The following CD2AP variants were observed in gnomAD, a reference collection of about 807,000 sequenced individuals.
CD2AP encodes the protein CD2 associated protein.
In CD2AP, 46 loss-of-function variants were observed where a neutral mutation model predicts 85.1. That is an observed-to-expected ratio of 0.54 (90% CI 0.43 to 0.69). The LOEUF (loss-of-function observed/expected upper bound fraction) is 0.69, where lower values mean the gene tolerates loss of function less well. CD2AP is among the 30% of genes least tolerant of loss of function. The probability of loss-of-function intolerance (pLI) is 0.00; values close to 1 mark genes in which losing one functional copy is unlikely to be tolerated. For synonymous variants in CD2AP, 255 were observed against 252.9 expected, an observed-to-expected ratio of 1.01 and a Z score of -0.08; for missense variants, 769 against 729.5, an observed-to-expected ratio of 1.05 and a Z score of -0.62.
intron 9 of CD2AP, 21 bp from the exon 10 acceptor site, chr6:47,580,843 C>A (rs1582585899): frequency 6.3e-7 from 1 of 1,588,718 alleles, no homozygotes. Flanking sequence ...TCAGCCGTTT[C>A]CACCATTATT....
At chr6:47,556,338 A>G (rs1767687681) in intron 5 of CD2AP, among the ~76,000 whole-genome samples, 1 of 150,796 alleles carries the variant, frequency 6.6e-6, no homozygotes, top group African/African-American at 2.4e-5. Context: ...TGTTCATGAG[A>G]ATGATGGTTT....
intron 2 of CD2AP, among the ~76,000 whole-genome samples, chr6:47,504,702 C>A (rs1008694743): frequency 2.6e-5 from 4 of 152,082 alleles, no homozygotes; most frequent in Admixed American, 6.6e-5. Context: ...ACTGCAGGTT[C>A]AGTTCCAGAC....
chr6:47,574,334 C>G (rs1209406019), intron 6 of CD2AP, 83 bp downstream of exon 6: 2 of 1,294,746 alleles, frequency 1.5e-6, no homozygotes, highest in African/African-American at 2.9e-5. Flanking sequence ...GTTTGTAACT[C>G]TGTTAGATTT....
Position 47,571,129 on chromosome 6 carries a change from A to C in CD2AP, c.542-2935A>C, listed in dbSNP as rs992396070. On this transcript the variant is annotated intron_variant, in intron 5 of 17. Coordinates refer to ENST00000359314, the MANE Select transcript of CD2AP (RefSeq NM_012120.3). ...TATCAATATATGATTTATTAATACC[A>C]TGGATAGTTTCATTTTAAAAATGCC... Among the ~76,000 whole-genome samples, 8 of 152,236 alleles carry C rather than the reference A, an allele frequency of 5.3e-5. No homozygotes were observed. In the South Asian group the frequency reaches 1.7e-3, roughly 32 times the overall value.
intron 13 of CD2AP, among the ~76,000 whole-genome samples, chr6:47,604,857 A>C (rs748833793): frequency 1.6e-4 from 25 of 152,022 alleles, no homozygotes; most frequent in Non-Finnish European, 3.4e-4. Context: ...TGTTTTAATG[A>C]ATCAGCTTAG....
intron 5 of CD2AP, among the ~76,000 whole-genome samples, chr6:47,569,022 G>C (rs938658889): frequency 1.3e-5 from 2 of 152,158 alleles, no homozygotes; most frequent in Admixed American, 1.3e-4. Context: ...AAGTAAAAGA[G>C]ATCATTAAGG....
rs1766948985 is a variant in CD2AP at position 47,533,629 on chromosome 6, G to C, written c.193G>C (p.Asp65His). ...KEIKRETEFK[D>H]DSLPIKRERH... ...AATTAAAAGAGAGACGGAATTCAAG[G>C]ATGACAGTTTGCCCATCAAACGGGA... Residue 65 changes from aspartate to histidine, a missense_variant, in exon 3 of 18, where the codon GAT becomes CAT. Asp to His is a moderately conservative substitution (Grantham distance 81). Transcript: ENST00000359314. 1.9e-6 allele frequency: 3 copies of C among 1,613,780 alleles called. No individual in the cohort carries two copies. Among genetic ancestry groups the C allele is most frequent in the South Asian group, 1.1e-5 (1 of 91,044 alleles).
At chr6:47,616,396 A>T (rs1199293067) in intron 17 of CD2AP, among the ~76,000 whole-genome samples, 2 of 152,014 alleles carry the variant, frequency 1.3e-5, no homozygotes, top group Admixed American at 6.6e-5. Flanking sequence ...ACCTGGCCTT[A>T]AAGATGTTTT....
intron 1 of CD2AP, among the ~76,000 whole-genome samples, chr6:47,492,572 C>G (rs1369087274): frequency 1.3e-5 from 2 of 152,060 alleles, no homozygotes; most frequent in African/African-American, 4.8e-5. Context: ...CCTTGAACTC[C>G]TGGCCTCAGG....
intron 2 of CD2AP, among the ~76,000 whole-genome samples, chr6:47,520,916 C>G (rs1766572058): frequency 6.6e-6 from 1 of 151,844 alleles, no homozygotes; most frequent in South Asian, 2.1e-4. Flanking sequence ...ATGTTGCAGA[C>G]TTCTCCAGTA....
intron 11 of CD2AP, among the ~76,000 whole-genome samples, chr6:47,588,466 G>C (rs368341085): frequency 2.0e-5 from 3 of 152,018 alleles, no homozygotes; most frequent in African/African-American, 7.2e-5. Flanking sequence ...AGATTATGAC[G>C]TGTTTACATT....
chr6:47,507,086 A>T (rs1766192539), intron 2 of CD2AP, among the ~76,000 whole-genome samples: 1 of 152,238 alleles, frequency 6.6e-6, no homozygotes, highest in Non-Finnish European at 1.5e-5. Flanking sequence ...TGTCTTCACC[A>T]GGAGTAGATT....
At chr6:47,611,839 T>A (rs954178396) in intron 16 of CD2AP, among the ~76,000 whole-genome samples, 5 of 151,984 alleles carry the variant, frequency 3.3e-5, no homozygotes, top group Admixed American at 6.6e-5. Flanking sequence ...ATTATAAATA[T>A]GAAAATTTTA....
In CD2AP at chr6:47,625,668, C is replaced by A. The variant is rs1769889911; in HGVS notation, c.*1441C>A. On this transcript the variant is annotated 3_prime_UTR_variant, in exon 18 of 18. Coordinates refer to ENST00000359314, the MANE Select transcript of CD2AP (RefSeq NM_012120.3). ...GCTTCCATTTTTTTTAGTTTTAAAC[C>A]ACCAAACCAATATTTTTCCTTTAAA... 1 of 151,494 alleles carries A rather than the reference C, an allele frequency of 6.6e-6. No homozygotes were observed. The highest frequency in any genetic ancestry group is 2.1e-4 in the South Asian group (1 of 4,808). 9.4% of individuals were successfully genotyped at this position (151,494 alleles called of 1,614,324 possible).
chr6:47,499,972 A>C (rs1356819415), intron 1 of CD2AP, among the ~76,000 whole-genome samples: 1 of 152,018 alleles, frequency 6.6e-6, no homozygotes, highest in Non-Finnish European at 1.5e-5. Context: ...CAGGTGATCC[A>C]CCCACCTCAG....
chr6:47,525,728 A>T (rs113725008), intron 2 of CD2AP, among the ~76,000 whole-genome samples: 111 of 152,268 alleles, frequency 7.3e-4, no homozygotes, highest in African/African-American at 2.6e-3. Context: ...CACCATTTGC[A>T]TATGTATTTC....
At position 47,607,842 on chromosome 6, in the gene CD2AP, A is replaced by C. The variant is rs557945911; in HGVS notation, c.1531-85A>C. ...ACAGTAGCAGCTGAAAATCCATAAA[A>C]GTTATTTGCTTTATTATCCAAAGAC... On this transcript the variant is annotated intron_variant, in intron 14 of 17. Coordinates refer to ENST00000359314, the MANE Select transcript of CD2AP (RefSeq NM_012120.3). 52 of 862,432 alleles carry C rather than the reference A, an allele frequency of 6.0e-5. No homozygotes were observed. The African/African-American group carries it at 7.1e-4, about 12-fold the overall frequency. 53.4% of individuals were successfully genotyped at this position (862,432 alleles called of 1,614,324 possible).
intron 2 of CD2AP, among the ~76,000 whole-genome samples, chr6:47,509,437 TA>T (rs35054815): frequency 1.5e-3 from 219 of 146,608 alleles, no homozygotes; most frequent in African/African-American, 1.3e-3. Flanking sequence ...CTTCAATTTG[TA>T]AAAAAAAAAA....
intron 2 of CD2AP, among the ~76,000 whole-genome samples, chr6:47,504,020 GTCTTCT>G (rs1409979756): frequency 6.6e-6 from 1 of 152,186 alleles, no homozygotes; most frequent in African/African-American, 2.4e-5. Flanking sequence ...CTGCCAAACT[GTCTTCT>G]TCAACTACTA....
Sources: allele counts gnomAD v4.1 joint callset (sites outside exome capture counted in the v4.1 genomes callset), GRCh38; gene constraint gnomAD v4.1.1; transcripts MANE v1.5; gene names NCBI Gene and HGNC (gene_info 2026-07-23, HGNC 2026-07-21).